Variants in TM4SF4 observed in about 807,000 individuals in gnomAD.
TM4SF4 encodes the protein transmembrane 4 L six family member 4, also known as transmembrane 4 L6 family member 4.
In TM4SF4, 24 loss-of-function variants were observed where a neutral mutation model predicts 24.1. That is an observed-to-expected ratio of 1.00 (90% CI 0.72 to 1.40). TM4SF4 has a LOEUF of 1.40. Among genes scored for constraint, TM4SF4 ranks in the 40% most tolerant of loss-of-function variants. The pLI, the probability that TM4SF4 is intolerant of heterozygous loss-of-function variation, is 0.00. For synonymous variants in TM4SF4, 113 were observed against 97.0 expected (o/e 1.17, Z -0.97); for missense variants, 254 against 254.2 (o/e 1.00, Z 0.01).
chr3:149,480,985 C>T (rs55755885), intron 2 of TM4SF4, among the ~76,000 whole-genome samples: 51 of 152,136 alleles, frequency 3.4e-4, no homozygotes, highest in Non-Finnish European at 6.0e-4. Flanking sequence ...CTCAGCCTCC[C>T]GGGTAGCTGG....
At chr3:149,487,838 G>T in intron 3 of TM4SF4, 83 bp downstream of exon 3, 1 of 1,556,272 alleles carries the variant, frequency 6.4e-7, no homozygotes, top group Non-Finnish European at 8.8e-7. Context: ...TGCACACAAT[G>T]CCATGTCTTC....
intron 2 of TM4SF4, among the ~76,000 whole-genome samples, chr3:149,481,867 C>T (rs184547105): frequency 6.6e-5 from 10 of 152,310 alleles, no homozygotes; most frequent in Non-Finnish European, 1.3e-4. Flanking sequence ...TGAGCAGCTG[C>T]GAGGGAATTA....
At chr3:149,486,899 G>C (rs1371953261) in intron 2 of TM4SF4, among the ~76,000 whole-genome samples, 2 of 152,140 alleles carry the variant, frequency 1.3e-5, no homozygotes, top group South Asian at 2.1e-4. Context: ...AGTAGAACCT[G>C]CCTGTCACAT....
At chr3:149,484,637 C>T (rs1201604770) in intron 2 of TM4SF4, among the ~76,000 whole-genome samples, 4 of 151,830 alleles carry the variant, frequency 2.6e-5, no homozygotes, top group African/African-American at 4.8e-5. Flanking sequence ...CTGCCACCTC[C>T]GCCTCCCGGG....
intron 3 of TM4SF4, among the ~76,000 whole-genome samples, chr3:149,490,816 T>C (rs56390302): frequency 0.032 from 4,866 of 152,308 alleles, 87 homozygotes; most frequent in Middle Eastern, 0.065. Flanking sequence ...CAGTCACTTG[T>C]ATGAGCCAAA....
intron 2 of TM4SF4, among the ~76,000 whole-genome samples, chr3:149,484,527 G>A (rs1333173436): frequency 6.6e-6 from 1 of 151,464 alleles, no homozygotes; most frequent in African/African-American, 2.4e-5. Context: ...GGGATTACAG[G>A]CATGGGCCAC....
At chr3:149,496,574 G>A (rs1734314948) in intron 3 of TM4SF4, among the ~76,000 whole-genome samples, 1 of 152,124 alleles carries the variant, frequency 6.6e-6, no homozygotes, top group Non-Finnish European at 1.5e-5. Context: ...TTCGAGACCA[G>A]CCTGACCAAC....
At chr3:149,496,160 G>A (rs4681518) in intron 3 of TM4SF4, among the ~76,000 whole-genome samples, 13,012 of 151,792 alleles carry the variant, frequency 0.086, 1,105 homozygotes, top group East Asian at 0.44. Context: ...AGAATGTTTT[G>A]TTGACCATTT....
chr3:149,480,694 G>T (rs1734019024), intron 2 of TM4SF4, among the ~76,000 whole-genome samples: 1 of 151,964 alleles, frequency 6.6e-6, no homozygotes, highest in South Asian at 2.1e-4. Flanking sequence ...TCCTTGGAAT[G>T]ACAGCCAACT....
chr3:149,496,356 C>T (rs1351575094), intron 3 of TM4SF4, among the ~76,000 whole-genome samples: 1 of 151,926 alleles, frequency 6.6e-6, no homozygotes, highest in Non-Finnish European at 1.5e-5. Context: ...ATTATAGGTG[C>T]GTGTCCCCAC....
chr3:149,476,098 C>T (rs1733924645), intron 2 of TM4SF4, among the ~76,000 whole-genome samples, 186 bp downstream of exon 2: 1 of 152,180 alleles, frequency 6.6e-6, no homozygotes, highest in Non-Finnish European at 1.5e-5. Context: ...AATACCATAG[C>T]CCTCATACTT....
At position 149,475,895 on chromosome 3, in the gene TM4SF4, T is replaced by G; in HGVS notation, c.247T>G (p.Cys83Gly). The G allele has an allele frequency of 6.2e-7, 1 of 1,612,868 alleles. No individual in the cohort carries two copies. Among genetic ancestry groups the G allele is most frequent in the South Asian group, 1.1e-5 (1 of 90,658 alleles). The change falls in exon 2 of 5, where the codon TGT (cysteine) becomes GGT (glycine). Residue 83 changes from cysteine to glycine, a missense_variant. Physicochemically the swap from Cys to Gly is radical, Grantham distance 159. Coordinates refer to ENST00000305354, the MANE Select transcript of TM4SF4 (RefSeq NM_004617.4). ...DCCGCCGNEG[C>G]GKRFAMFTST... ...CTGTGGGTGCTGCGGCAACGAGGGC[T>G]GTGGGAAGCGATTTGCGGTGAGTTA...
At chr3:149,498,620 G>C in intron 3 of TM4SF4, 102 bp from the exon 4 acceptor site, 1 of 1,001,112 alleles carries the variant, frequency 1.0e-6, no homozygotes, top group South Asian at 1.5e-5. Flanking sequence ...GCTAGTTTTG[G>C]GTGGAAAGTA....
intron 4 of TM4SF4, among the ~76,000 whole-genome samples, chr3:149,500,448 T>G (rs1734396768): frequency 6.6e-6 from 1 of 152,124 alleles, no homozygotes; most frequent in Non-Finnish European, 1.5e-5. Flanking sequence ...TAAATTTCAC[T>G]GTGTATTGCA....
chr3:149,491,542 T>C (rs1259573980), intron 3 of TM4SF4, among the ~76,000 whole-genome samples: 1 of 151,958 alleles, frequency 6.6e-6, no homozygotes, highest in African/African-American at 2.4e-5. Context: ...TATCTACATA[T>C]GCACATATCT....
intron 2 of TM4SF4, among the ~76,000 whole-genome samples, chr3:149,483,163 G>A (rs1734063968): frequency 6.6e-6 from 1 of 151,540 alleles, no homozygotes; most frequent in Admixed American, 6.6e-5. Context: ...TTCTGAAAGG[G>A]TGGTAGGTAG....
At chr3:149,475,088 T>G (rs368416960) in intron 1 of TM4SF4, 37 bp downstream of exon 1, 77 of 1,583,184 alleles carry the variant, frequency 4.9e-5, no homozygotes, top group Admixed American at 3.7e-5. Context: ...TAAGGGAGAT[T>G]TTCCCTTCCC....
intron 2 of TM4SF4, among the ~76,000 whole-genome samples, chr3:149,485,609 C>G (rs974981707): frequency 6.6e-6 from 1 of 152,164 alleles, no homozygotes; most frequent in Non-Finnish European, 1.5e-5. Context: ...GGAACTTGTG[C>G]TCTATTTGGA....
At chr3:149,484,809 C>T (rs1734089540) in intron 2 of TM4SF4, among the ~76,000 whole-genome samples, 1 of 152,246 alleles carries the variant, frequency 6.6e-6, no homozygotes, top group South Asian at 2.1e-4. Context: ...GCCTCGGCCC[C>T]GCAAAGTGCT....
Sources: gnomAD v4.1 joint callset for allele counts (sites outside exome capture counted in the v4.1 genomes callset) on GRCh38, gnomAD v4.1.1 for gene constraint, MANE v1.5 for transcripts, NCBI Gene and HGNC (gene_info 2026-07-23, HGNC 2026-07-21) for gene names.